The following PKD1L1 variants were observed in gnomAD, a reference collection of about 807,000 sequenced individuals.
PKD1L1 encodes polycystin-1-like protein 1.
PKD1L1 carries 236 observed loss-of-function variants against 323.4 expected under a neutral mutation model. The observed-to-expected ratio is 0.73, with a 90% confidence interval of 0.66 to 0.81. The LOEUF is 0.81. Ranked by LOEUF, PKD1L1 falls within the 40% of genes least tolerant of loss-of-function variation. The pLI is 0.00. For synonymous variants in PKD1L1, 1,344 were observed against 1,335.0 expected (o/e 1.01, Z -0.15); for missense variants, 3,320 against 3,508.0 (o/e 0.95, Z 1.35).
intron 49 of PKD1L1, among the ~76,000 whole-genome samples, chr7:47,812,714 G>A (rs1463247904): frequency 2.6e-5 from 4 of 152,128 alleles, no homozygotes; most frequent in Non-Finnish European, 4.4e-5. Flanking sequence ...GGTCGTGCTT[G>A]TTACGCACTT....
chr7:47,793,262 A>G (rs1786995256), intron 55 of PKD1L1, among the ~76,000 whole-genome samples: 1 of 152,168 alleles, frequency 6.6e-6, no homozygotes, highest in Non-Finnish European at 1.5e-5. Flanking sequence ...ACCTTACTGG[A>G]TGATGCTTAA....
chr7:47,936,985 T>C, intron 3 of PKD1L1, 27 bp from the exon 4 acceptor site: 1 of 1,532,784 alleles, frequency 6.5e-7, no homozygotes, highest in Admixed American at 1.8e-5. Context: ...TAAAATAATG[T>C]GAGAGAGCTG....
rs746142807 is a variant in PKD1L1 at position 47,839,968 on chromosome 7, TTC to T, written c.5553-308_5553-307del. Among the ~76,000 whole-genome samples the T allele has an allele frequency of 4.2e-4, 64 of 152,178 alleles. 1 individual carries two copies. Among genetic ancestry groups the T allele is most frequent in the Non-Finnish European group, 6.6e-4 (45 of 68,046 alleles). On this transcript the variant is annotated intron_variant, in intron 35 of 56. Coordinates refer to ENST00000289672, the MANE Select transcript of PKD1L1 (RefSeq NM_138295.5). This position sits in a 1 kb window ranked among gnomAD's most constrained non-coding sequence, Gnocchi z 4.3. ...TGTGGATTAGTCTAAAGTTAACCTTTTCTCTCTTAATGAAGACATAATACTCC... is the reference window on the plus strand; with the variant it reads ...TGTGGATTAGTCTAAAGTTAACCTTTTCTCTTAATGAAGACATAATACTCC...
chr7:47,880,645 C>A, intron 21 of PKD1L1, 83 bp downstream of exon 21: 1 of 1,100,552 alleles, frequency 9.1e-7, no homozygotes, highest in Non-Finnish European at 1.3e-6. Context: ...AGACCTGCAC[C>A]CCATTCCTTA....
intron 54 of PKD1L1, among the ~76,000 whole-genome samples, chr7:47,798,528 C>A (rs931147423): frequency 6.6e-6 from 1 of 152,090 alleles, no homozygotes; most frequent in East Asian, 1.9e-4. Context: ...GAGGCTGAGG[C>A]GGGAGGATCA....
intron 56 of PKD1L1, among the ~76,000 whole-genome samples, chr7:47,789,776 A>G (rs1786896538): frequency 6.6e-6 from 1 of 152,234 alleles, no homozygotes; most frequent in South Asian, 2.1e-4. Context: ...AAATATAAAT[A>G]CATACAATTA....
At chr7:47,845,133 C>A in intron 32 of PKD1L1, 55 bp from the exon 33 acceptor site, 1 of 1,425,338 alleles carries the variant, frequency 7.0e-7, no homozygotes, top group Non-Finnish European at 9.8e-7. Context: ...CAGCTGTTGA[C>A]AGTGTAATGG....
intron 46 of PKD1L1, among the ~76,000 whole-genome samples, chr7:47,820,051 C>G (rs1406378507): frequency 6.6e-6 from 1 of 152,072 alleles, no homozygotes; most frequent in Non-Finnish European, 1.5e-5. Context: ...AGCAAAGAAC[C>G]AATATTATTT....
At chr7:47,781,539 G>T (rs1048918844) in intron 56 of PKD1L1, among the ~76,000 whole-genome samples, 5 of 151,312 alleles carry the variant, frequency 3.3e-5, no homozygotes, top group African/African-American at 1.2e-4. Context: ...CTCCCAAGTA[G>T]CTGGGACTAC....
intron 54 of PKD1L1, among the ~76,000 whole-genome samples, chr7:47,798,733 C>T (rs577394209): frequency 6.3e-4 from 87 of 137,280 alleles, no homozygotes; most frequent in African/African-American, 2.1e-3. Context: ...CCAGCCTGGG[C>T]GACAGAGTGA....
Position 47,904,431 on chromosome 7 carries a change from A to G in PKD1L1, c.1878T>C (p.Phe626=), listed in dbSNP as rs201485784. 12 of 1,614,144 alleles carry G rather than the reference A, an allele frequency of 7.4e-6. No homozygotes were observed. In the Admixed American group the frequency reaches 1.5e-4, roughly 20 times the overall value. ...FGTDVAYLWD[F]GDGTVSLGSS... Reference sequence around the variant, plus strand: ...TCCCCAGGCTGACGGTGCCATCCCCAAAGTCCCACAGGTAGGCAACATCTG... The same window carrying G: ...TCCCCAGGCTGACGGTGCCATCCCCGAAGTCCCACAGGTAGGCAACATCTG... Residue 626 remains phenylalanine (F), a synonymous_variant, in exon 12 of 57, where the codon TTT becomes TTC. Coordinates refer to ENST00000289672, the MANE Select transcript of PKD1L1 (RefSeq NM_138295.5).
intron 37 of PKD1L1, among the ~76,000 whole-genome samples, chr7:47,835,819 C>A (rs1292479855): frequency 6.6e-6 from 1 of 152,024 alleles, no homozygotes; most frequent in Non-Finnish European, 1.5e-5. Context: ...CTTCTTCTAC[C>A]CCAGGAGTGA....
chr7:47,828,176 G>A (rs184956235), intron 44 of PKD1L1, among the ~76,000 whole-genome samples: 640 of 152,262 alleles, frequency 4.2e-3, no homozygotes, highest in Middle Eastern at 0.01. Context: ...GGAGAGATCC[G>A]TGGGGAGGCT....
chr7:47,856,038 A>G (rs62448558), intron 28 of PKD1L1, among the ~76,000 whole-genome samples: 23 of 151,844 alleles, frequency 1.5e-4, no homozygotes, highest in African/African-American at 5.6e-4. Flanking sequence ...GTCTATATGT[A>G]TATCTATATA....
Position 47,877,577 on chromosome 7 carries a change from G to A in PKD1L1, c.3575C>T (p.Ala1192Val). 6.2e-7 allele frequency: 1 copy of A among 1,614,136 alleles called. No individual in the cohort carries two copies. Among genetic ancestry groups the A allele is most frequent in the Non-Finnish European group, 8.5e-7 (1 of 1,180,006 alleles). ...KAQLYLTVNP[A>V]PRDMACQVQP... ...CACCTGACAGGCCATGTCCCGAGGA[G>A]CCGGGTTGACTGTCAAGTACAGCTG... The change falls in exon 22 of 57, where the codon GCT becomes GTT. Residue 1192 changes from alanine to valine, a missense_variant. Coordinates refer to ENST00000289672, the MANE Select transcript of PKD1L1 (RefSeq NM_138295.5).
At position 47,837,098 on chromosome 7, in the gene PKD1L1, A is replaced by T; in HGVS notation, c.5770-4T>A. On this transcript the variant is annotated splice_region_variant and splice_polypyrimidine_tract_variant and intron_variant, in intron 36 of 56. Coordinates refer to ENST00000289672, the MANE Select transcript of PKD1L1 (RefSeq NM_138295.5). ...CTGTGAACTTGCAATAGAAAAGCTG[A>T]AACGGAAAGCAGGAGAAGTGTTCCC... is the stretch of plus-strand genomic sequence containing the variant. 1 of 1,613,874 alleles carries T rather than the reference A, an allele frequency of 6.2e-7. No homozygotes were observed.
chr7:47,777,689 A>G (rs554433251), intron 56 of PKD1L1, among the ~76,000 whole-genome samples: 93 of 152,214 alleles, frequency 6.1e-4, no homozygotes, highest in Non-Finnish European at 1.1e-3. Flanking sequence ...TGCTGCTATA[A>G]CAAAGAGCCC....
At position 47,940,241 on chromosome 7, in the gene PKD1L1, T is replaced by C. The variant is rs761454717; in HGVS notation, c.237A>G (p.Ala79=). The part of the protein sequence containing the change: ...GCPWCALNGK[A]EDRESQSPSS... ...ATGGGCTCTGTGATTCCCGGTCTTC[T>C]GCCTTTCCATTCAGAGCACACCAAG... Residue 79 remains alanine (A), a synonymous_variant, in exon 3 of 57, where the codon GCA becomes GCG. Transcript: ENST00000289672. 5.0e-6 allele frequency: 8 copies of C among 1,614,034 alleles called. No individual in the cohort carries two copies. Among genetic ancestry groups the C allele is most frequent in the Non-Finnish European group, 6.8e-6 (8 of 1,180,026 alleles).
chr7:47,779,245 C>T (rs1256543400), intron 56 of PKD1L1, among the ~76,000 whole-genome samples: 1 of 152,228 alleles, frequency 6.6e-6, no homozygotes, highest in African/African-American at 2.4e-5. Flanking sequence ...AAGCAGGCCC[C>T]ATCACCTGAG....
Sources: gnomAD v4.1 joint callset for allele counts (sites outside exome capture counted in the v4.1 genomes callset) on GRCh38, gnomAD v4.1.1 for gene constraint, Gnocchi (gnomAD v3.1) non-coding constraint, MANE v1.5 for transcripts, NCBI Gene and HGNC (gene_info 2026-07-23, HGNC 2026-07-21) for gene names.